The following RPSA variants were observed in gnomAD, a reference collection of about 807,000 sequenced individuals.
RPSA encodes ribosomal protein SA.
For synonymous variants in RPSA, 103 were observed against 126.7 expected (o/e 0.81, Z 1.25); for missense variants, 140 against 372.8 (o/e 0.38, Z 5.14).
At chr3:39,407,296 A>G (rs561536500) in intron 1 of RPSA, among the ~76,000 whole-genome samples, 3 of 152,288 alleles carry the variant, frequency 2.0e-5, no homozygotes, top group African/African-American at 7.2e-5. Flanking sequence ...GCATATTCCA[A>G]ACATGGCTGC....
intron 1 of RPSA, chr3:39,407,059 A>G (rs1334116499): frequency 1.1e-5 from 5 of 454,062 alleles, no homozygotes; most frequent in South Asian, 3.1e-5. Flanking sequence ...CTGTGTTGCT[A>G]TCCCTTCGGA....
chr3:39,410,446 A>G (rs1300025555), intron 3 of RPSA: 1 of 397,806 alleles, frequency 2.5e-6, no homozygotes, highest in Non-Finnish European at 4.7e-6. Flanking sequence ...GAAAAAAGGC[A>G]GTTAGTTATT....
At chr3:39,411,127 C>T (rs1575257983) in intron 4 of RPSA, 128 bp downstream of exon 4, 1 of 1,214,016 alleles carries the variant, frequency 8.2e-7, no homozygotes, top group Non-Finnish European at 1.2e-6. Flanking sequence ...TAGTGTGCTA[C>T]ATGAGGGGCA....
At chr3:39,407,424 C>T (rs748322861) in intron 1 of RPSA, among the ~76,000 whole-genome samples, 197 bp from the exon 2 acceptor site, 7 of 152,050 alleles carry the variant, frequency 4.6e-5, no homozygotes, top group Non-Finnish European at 7.4e-5. Context: ...GTTACTCTGC[C>T]GTCCACACTA....
Position 39,407,490 on chromosome 3 carries a change from T to G in RPSA, c.-33-131T>G, listed in dbSNP as rs567210006. On this transcript the variant is annotated intron_variant, in intron 1 of 6. Transcript: ENST00000301821. Reference sequence around the variant, plus strand: ...ATACACGACATGTATGGGTTAACTTTCTGTTTACCCTTCACTACACTGTAA... The same window carrying G: ...ATACACGACATGTATGGGTTAACTTGCTGTTTACCCTTCACTACACTGTAA... 3.3e-5 allele frequency: 25 copies of G among 748,884 alleles called. 1 individual carries two copies. Among genetic ancestry groups the G allele is most frequent in the South Asian group, 2.0e-4 (14 of 71,374 alleles). The allele number at this position is 748,884 out of a possible 1,614,324, so 46.4% of individuals were successfully genotyped here.
chr3:39,407,864 G>A, intron 2 of RPSA, 78 bp downstream of exon 2: 1 of 1,165,308 alleles, frequency 8.6e-7, no homozygotes, highest in South Asian at 1.3e-5. Context: ...GGTTAGTTCT[G>A]GGTAATTTCT....
At chr3:39,408,415 G>A in intron 2 of RPSA, 191 bp from the exon 3 acceptor site, 1 of 763,136 alleles carries the variant, frequency 1.3e-6, no homozygotes, top group Admixed American at 1.7e-5. Context: ...GCTCAGGGTG[G>A]AGGCCAGTCT....
chr3:39,410,937 G>A lies in RPSA; in HGVS notation c.436G>A (p.Ala146Thr). 1 of 1,595,240 alleles carries A rather than the reference G, an allele frequency of 6.3e-7. No individual in the cohort carries two copies. Among genetic ancestry groups the A allele is most frequent in the South Asian group, 1.1e-5 (1 of 91,000 alleles). Residue 146 changes from alanine to threonine, a missense_variant, in exon 4 of 7, where the codon GCG (alanine) becomes ACG (threonine). Coordinates refer to ENST00000301821, the MANE Select transcript of RPSA (RefSeq NM_002295.6). ...EASYVNLPTI[A>T]LCNTDSPLRY... ...ATCTTATGTTAACCTACCTACCATT[G>A]CGCTGTGTAACACAGATTCTCCTCT...
intron 2 of RPSA, 45 bp downstream of exon 2, chr3:39,407,831 A>G (rs1163283649): frequency 3.2e-6 from 5 of 1,544,152 alleles, no homozygotes; most frequent in Non-Finnish European, 4.4e-6. Context: ...TGTAAGTACA[A>G]ATTTTGAGCT....
chr3:39,409,830 G>C (rs960457759), intron 3 of RPSA, among the ~76,000 whole-genome samples: 1 of 135,968 alleles, frequency 7.4e-6, no homozygotes, highest in African/African-American at 2.6e-5. Flanking sequence ...GTGAGATCCT[G>C]TTTCTTAAAA....
intron 6 of RPSA, 63 bp from the exon 7 acceptor site, chr3:39,412,211 G>C (rs1357205667): frequency 7.2e-6 from 10 of 1,398,434 alleles, no homozygotes; most frequent in Middle Eastern, 1.8e-4. Flanking sequence ...GTTGGGAGTG[G>C]GGTAAGGAAA....
intron 1 of RPSA, chr3:39,407,075 A>G (rs1268915171): frequency 6.6e-6 from 3 of 451,388 alleles, no homozygotes; most frequent in South Asian, 1.6e-5. Flanking sequence ...TCGGAGTCCC[A>G]CACGGCGGTG....
intron 1 of RPSA, among the ~76,000 whole-genome samples, chr3:39,407,366 A>G (rs1249833965): frequency 2.6e-5 from 4 of 152,102 alleles, no homozygotes; most frequent in Non-Finnish European, 5.9e-5. Flanking sequence ...TCCTATCTTG[A>G]GAAGTGTTGA....
chr3:39,406,804 GA>G, intron 1 of RPSA, 40 bp downstream of exon 1: 1 of 453,680 alleles, frequency 2.2e-6, no homozygotes, highest in African/African-American at 2.0e-5. Context: ...TCCAGGGCTA[GA>G]AAAATGAGCT....
chr3:39,411,432 T>C, intron 4 of RPSA: 1 of 592,462 alleles, frequency 1.7e-6, no homozygotes. Context: ...AGATATTTTT[T>C]TTAAATGCCA....
At position 39,411,769 on chromosome 3, in the gene RPSA, C is replaced by G; in HGVS notation, c.619C>G (p.Pro207Ala). 1 of 1,599,764 alleles carries G rather than the reference C, an allele frequency of 6.3e-7. No individual in the cohort carries two copies. Among genetic ancestry groups the G allele is most frequent in the Non-Finnish European group, 8.5e-7 (1 of 1,179,922 alleles). ...VMPDLYFYRDPEEIEKEEQAA... is the reference protein window; with the variant it reads ...VMPDLYFYRDAEEIEKEEQAA... Reference sequence around the variant, plus strand: ...GCCTGATCTGTACTTCTACAGAGATCCTGAAGAGGTAAGCTTCTCCAAAGG... The same window carrying G: ...GCCTGATCTGTACTTCTACAGAGATGCTGAAGAGGTAAGCTTCTCCAAAGG... The change falls in exon 5 of 7, where the codon CCT (proline) becomes GCT (alanine). Residue 207 changes from proline to alanine, a missense_variant. Pro to Ala is a conservative substitution (Grantham distance 27). Coordinates refer to ENST00000301821, the MANE Select transcript of RPSA (RefSeq NM_002295.6).
intron 2 of RPSA, chr3:39,408,149 T>G: frequency 2.7e-6 from 1 of 368,566 alleles, no homozygotes; most frequent in Non-Finnish European, 5.2e-6. Flanking sequence ...CAATATGGTT[T>G]GGAAGAACCA....
chr3:39,411,160 G>A lies in RPSA; in HGVS notation c.498+161G>A, dbSNP rs751099644. On this transcript the variant is annotated intron_variant, in intron 4 of 6. Coordinates refer to ENST00000301821, the MANE Select transcript of RPSA (RefSeq NM_002295.6). The stretch of plus-strand genomic sequence containing the variant: ...GCAAGTTTTCGCTAACACCACAAGG[G>A]TCTCTGGCCCAATGAGTGGAGTTTG... The A allele has an allele frequency of 3.6e-6, 3 of 833,544 alleles. No homozygotes were observed. In the South Asian group the frequency reaches 4.0e-5, roughly 11 times the overall value. 51.6% of individuals were successfully genotyped at this position (833,544 alleles called of 1,614,324 possible). A position where few individuals can be genotyped will look rare whatever the true frequency, so the allele number is the denominator to read the frequency against.
At chr3:39,412,232 T>G in intron 6 of RPSA, 42 bp from the exon 7 acceptor site, 2 of 1,496,048 alleles carry the variant, frequency 1.3e-6, no homozygotes, top group Non-Finnish European at 1.9e-6. Flanking sequence ...AATACTACAT[T>G]GAGGACAGAG....
Sources: gnomAD v4.1 joint callset for allele counts (sites outside exome capture counted in the v4.1 genomes callset) on GRCh38, gnomAD v4.1.1 for gene constraint, MANE v1.5 for transcripts, NCBI Gene and HGNC (gene_info 2026-07-23, HGNC 2026-07-21) for gene names.